NRF1: variants seen among roughly 807,000 people sequenced by gnomAD.
The protein encoded by NRF1 is alpha palindromic-binding protein.
Under a neutral mutation model 58.5 loss-of-function variants are expected in NRF1, and 5 were observed. The ratio of observed to expected loss-of-function variants is 0.09; its 90% CI spans 0.04 to 0.18. The LOEUF (loss-of-function observed/expected upper bound fraction) is 0.18, where lower values mean the gene tolerates loss of function less well. Ranked by LOEUF, NRF1 falls within the 10% of genes least tolerant of loss-of-function variation. The probability of loss-of-function intolerance (pLI) is 1.00; values close to 1 mark genes in which losing one functional copy is unlikely to be tolerated. For synonymous variants in NRF1, 224 were observed against 246.7 expected, an observed-to-expected ratio of 0.91 and a Z score of 0.86; for missense variants, 288 against 657.7, an observed-to-expected ratio of 0.44 and a Z score of 6.15.
intron 2 of NRF1, among the ~76,000 whole-genome samples, chr7:129,665,851 T>C (rs1187741459): frequency 6.6e-6 from 1 of 152,210 alleles, no homozygotes; most frequent in African/African-American, 2.4e-5. Flanking sequence ...GGGGCTCAAG[T>C]GATCCTCCTG....
chr7:129,613,293 T>TTGTG (rs560120370), intron 1 of NRF1, among the ~76,000 whole-genome samples: 9 of 151,324 alleles, frequency 5.9e-5, no homozygotes, highest in East Asian at 3.9e-4. Context: ...GAGATGCTGT[T>TTGTG]TGTGTGTGTG....
At chr7:129,747,002 TC>T (rs1803991676) in intron 10 of NRF1, among the ~76,000 whole-genome samples, 1 of 152,168 alleles carries the variant, frequency 6.6e-6, no homozygotes, top group South Asian at 2.1e-4. Flanking sequence ...GGCCCATTCT[TC>T]CTCAGGTTGT....
rs530323269 is a variant in NRF1 at position 129,718,641 on chromosome 7, C to T, written c.1223+1265C>T. On this transcript the variant is annotated intron_variant, in intron 9 of 10. Transcript: ENST00000393232. ...TGAATTGTATGGTAAAGACTGTGAACGTTGTAGAAATTCAGAGGAGGGTGA... is the reference window on the plus strand; with the variant it reads ...TGAATTGTATGGTAAAGACTGTGAATGTTGTAGAAATTCAGAGGAGGGTGA... Among the ~76,000 whole-genome samples, 26 of 152,206 alleles carry T rather than the reference C, an allele frequency of 1.7e-4. No homozygotes were observed. The South Asian group carries it at 5.2e-3, about 30-fold the overall frequency.
chr7:129,750,375 C>T (rs935795178), intron 10 of NRF1, among the ~76,000 whole-genome samples: 3 of 152,212 alleles, frequency 2.0e-5, no homozygotes, highest in South Asian at 2.1e-4. Context: ...GTTTCCAGGC[C>T]TCCAGCCCCT....
intron 9 of NRF1, among the ~76,000 whole-genome samples, chr7:129,721,454 T>C (rs1227574399): frequency 6.6e-6 from 1 of 152,058 alleles, no homozygotes; most frequent in Non-Finnish European, 1.5e-5. Flanking sequence ...AAAAGTCATA[T>C]TTTGAAAGAA....
chr7:129,722,237 C>A (rs1158609492), intron 9 of NRF1, among the ~76,000 whole-genome samples: 1 of 151,740 alleles, frequency 6.6e-6, no homozygotes, highest in Non-Finnish European at 1.5e-5. Context: ...ACTAAAAATA[C>A]AAAAGTAGCC....
chr7:129,613,841 G>T (rs1370176229), intron 1 of NRF1, among the ~76,000 whole-genome samples: 1 of 152,070 alleles, frequency 6.6e-6, no homozygotes, highest in African/African-American at 2.4e-5. Context: ...CTTGAACCTG[G>T]GAGGCAGAAG....
At chr7:129,665,736 C>CA (rs1584622063) in intron 2 of NRF1, among the ~76,000 whole-genome samples, 1 of 152,050 alleles carries the variant, frequency 6.6e-6, no homozygotes, top group East Asian at 1.9e-4. Flanking sequence ...ATGATCCTCC[C>CA]ACCTCATCCT....
Position 129,690,447 on chromosome 7 carries a change from T to A in NRF1, c.507T>A (p.Ser169=). The A allele has an allele frequency of 6.2e-7, 1 of 1,614,178 alleles. No homozygotes were observed. The highest frequency in any genetic ancestry group is 1.3e-5 in the African/African-American group (1 of 75,056). ...YKSMILEDLE[S]ALAEHAPAPQ... is the part of the protein sequence containing the mutation. ...GCATGATCCTGGAAGACCTGGAGTCTGCTCTGGCAGAACACGCCCCTGCGC... is the reference window on the plus strand; with the variant it reads ...GCATGATCCTGGAAGACCTGGAGTCAGCTCTGGCAGAACACGCCCCTGCGC... The change falls in exon 5 of 11, where the codon TCT becomes TCA. Residue 169 remains serine (S), a synonymous_variant. Transcript: ENST00000393232.
chr7:129,737,601 A>C (rs937838546), intron 10 of NRF1, among the ~76,000 whole-genome samples: 1 of 152,046 alleles, frequency 6.6e-6, no homozygotes, highest in African/African-American at 2.4e-5. Flanking sequence ...TGTTCCCTGG[A>C]CACATCAGTA....
chr7:129,719,746 A>G (rs1803277233), intron 9 of NRF1, among the ~76,000 whole-genome samples: 2 of 152,078 alleles, frequency 1.3e-5, no homozygotes, highest in Non-Finnish European at 2.9e-5. Flanking sequence ...TTTGAGAGAA[A>G]CACCCAGATA....
intron 9 of NRF1, among the ~76,000 whole-genome samples, chr7:129,720,899 A>T (rs1334301948): frequency 6.6e-6 from 1 of 152,204 alleles, no homozygotes; most frequent in Non-Finnish European, 1.5e-5. Flanking sequence ...AGAATAAATC[A>T]GCACTTTTGG....
rs573127977 is a variant in NRF1 at position 129,684,945 on chromosome 7, CTG to C, written c.466-5460_466-5459del. ...GGCAGGAGAACAAAGGAGGCAGACA[CTG>C]GGGCTGGAGAGACAATAGGATGAAG... On this transcript the variant is annotated intron_variant, in intron 4 of 10. Transcript: ENST00000393232. Among the ~76,000 whole-genome samples the C allele has an allele frequency of 6.0e-4, 92 of 152,210 alleles. No individual in the cohort carries two copies. The South Asian group carries it at 7.9e-3, about 13-fold the overall frequency.
At chr7:129,669,303 A>G (rs1374756681) in intron 2 of NRF1, among the ~76,000 whole-genome samples, 2 of 152,168 alleles carry the variant, frequency 1.3e-5, no homozygotes, top group Non-Finnish European at 2.9e-5. Flanking sequence ...GTATACTTGG[A>G]TTTGTATACT....
intron 2 of NRF1, among the ~76,000 whole-genome samples, chr7:129,668,971 G>A (rs552916738): frequency 2.0e-5 from 3 of 151,972 alleles, no homozygotes; most frequent in South Asian, 4.2e-4. Context: ...TTTTTGAGAC[G>A]GAGTCTTGCT....
rs1196382294 is a variant in NRF1, at chr7:129,741,192, A to G, written c.1349-13826A>G. On this transcript the variant is annotated intron_variant, in intron 10 of 10. Coordinates refer to ENST00000393232, the MANE Select transcript of NRF1 (RefSeq NM_005011.5). This position sits in a 1 kb window ranked among gnomAD's most constrained non-coding sequence, Gnocchi z 4.0. The stretch of plus-strand genomic sequence containing the variant: ...ACACCATCCTATGAACAGAACACCA[A>G]TCTGAGCCAGGGACATTCCGAGCAG... Among the ~76,000 whole-genome samples the G allele has an allele frequency of 1.3e-5, 2 of 152,198 alleles. No individual in the cohort carries two copies. The highest frequency in any genetic ancestry group is 2.4e-5 in the African/African-American group (1 of 41,428).
At chr7:129,749,116 C>T (rs1804051571) in intron 10 of NRF1, among the ~76,000 whole-genome samples, 1 of 152,178 alleles carries the variant, frequency 6.6e-6, no homozygotes. Flanking sequence ...CATCTGCCAC[C>T]CATGTAATGT....
At chr7:129,642,352 T>C (rs1265531028) in intron 1 of NRF1, among the ~76,000 whole-genome samples, 1 of 152,200 alleles carries the variant, frequency 6.6e-6, no homozygotes, top group African/African-American at 2.4e-5. Flanking sequence ...CTAGTTATCA[T>C]TAACAGTGCT....
intron 2 of NRF1, among the ~76,000 whole-genome samples, chr7:129,667,433 A>G (rs1275209488): frequency 6.6e-6 from 1 of 152,020 alleles, no homozygotes; most frequent in African/African-American, 2.4e-5. Context: ...ACCTTTGCCC[A>G]TTTCCCAACT....
Sources: gnomAD v4.1 joint callset for allele counts (sites outside exome capture counted in the v4.1 genomes callset) on GRCh38, gnomAD v4.1.1 for gene constraint, Gnocchi (gnomAD v3.1) non-coding constraint, MANE v1.5 for transcripts, NCBI Gene and HGNC (gene_info 2026-07-23, HGNC 2026-07-21) for gene names.